Variants in FILIP1 observed in about 807,000 individuals in gnomAD.
The protein encoded by FILIP1 is filamin-A-interacting protein 1.
In FILIP1, 61 loss-of-function variants were observed where a neutral mutation model predicts 102.1. The ratio of observed to expected loss-of-function variants is 0.60; its 90% CI spans 0.49 to 0.74. The LOEUF (loss-of-function observed/expected upper bound fraction) is 0.74. Among genes scored for constraint, FILIP1 ranks in the 30% least tolerant of loss-of-function variants. The probability of loss-of-function intolerance (pLI) is 0.00; values close to 1 mark genes in which losing one functional copy is unlikely to be tolerated. For synonymous variants in FILIP1, 491 were observed against 526.9 expected, an observed-to-expected ratio of 0.93 and a Z score of 0.93; for missense variants, 1,314 against 1,441.2, an observed-to-expected ratio of 0.91 and a Z score of 1.43.
In FILIP1 at chr6:75,314,681, C is replaced by A. The variant is rs147080592; in HGVS notation, c.1151G>T (p.Arg384Leu). 1.9e-6 allele frequency: 3 copies of A among 1,613,806 alleles called. No individual in the cohort carries two copies. The highest frequency in any genetic ancestry group is 3.3e-5 in the Admixed American group (2 of 59,952). ...SSLMAEVENL[R>L]KRVLEMEGKD... ...ACCTTCCATTTCAAGCACACGCTTTCGAAGATTTTCCACTTCTGCCATGAG... is the reference window on the plus strand; with the variant it reads ...ACCTTCCATTTCAAGCACACGCTTTAGAAGATTTTCCACTTCTGCCATGAG... Residue 384 changes from arginine (R) to leucine (L), a missense_variant, in exon 5 of 6, where the codon CGA becomes CTA. Arg to Leu is a moderately radical substitution (Grantham distance 102). Coordinates refer to ENST00000237172, the MANE Select transcript of FILIP1 (RefSeq NM_015687.5).
intron 1 of FILIP1, among the ~76,000 whole-genome samples, chr6:75,438,780 C>A: frequency 6.6e-6 from 1 of 152,144 alleles, no homozygotes; most frequent in East Asian, 1.9e-4. Flanking sequence ...AATCATAAGG[C>A]CCCTACTAGA....
chr6:75,350,707 C>A (rs1466721406), intron 4 of FILIP1, among the ~76,000 whole-genome samples: 2 of 152,150 alleles, frequency 1.3e-5, no homozygotes, highest in Non-Finnish European at 2.9e-5. Flanking sequence ...TAAGTATGGT[C>A]ACTCCGCCTA....
chr6:75,441,508 A>T lies in FILIP1; in HGVS notation c.-6-26530T>A, dbSNP rs971090758. On this transcript the variant is annotated intron_variant, in intron 1 of 5. Transcript: ENST00000237172. ...ATGAGCTGTTGGGTACACCTCCCAGACGGGGTGGTGGCCGGGTAGAGGGGC... is the reference window on the plus strand; with the variant it reads ...ATGAGCTGTTGGGTACACCTCCCAGTCGGGGTGGTGGCCGGGTAGAGGGGC... Among the ~76,000 whole-genome samples the T allele has an allele frequency of 1.1e-4, 16 of 152,040 alleles. 1 individual carries two copies. The highest frequency in any genetic ancestry group is 3.6e-4 in the African/African-American group (15 of 41,498).
At chr6:75,364,136 A>G (rs1218224129) in intron 2 of FILIP1, among the ~76,000 whole-genome samples, 1 of 152,252 alleles carries the variant, frequency 6.6e-6, no homozygotes, top group East Asian at 1.9e-4. Context: ...GCAGATTTGA[A>G]ATGTCTCTGC....
chr6:75,319,509 T>G (rs1362213675), intron 4 of FILIP1: 1 of 584,036 alleles, frequency 1.7e-6, no homozygotes, highest in Non-Finnish European at 3.4e-6. Context: ...TCAGCAGACA[T>G]GGTCTTCTAC....
In FILIP1 at chr6:75,312,388, TCTA is replaced by T. The variant is rs1413887261; in HGVS notation, c.3435+6_3435+8del. 6.2e-7 allele frequency: 1 copy of T among 1,610,002 alleles called. No homozygotes were observed. The highest frequency in any genetic ancestry group is 1.3e-5 in the African/African-American group (1 of 74,884). ...TGCAGGCCTGCGCTTTGGAGCCTCT[TCTA>T]CTCACCACTGACTGGGTTCCTCGAG... On this transcript the variant is annotated splice_donor_region_variant and intron_variant, in intron 5 of 5. Coordinates refer to ENST00000237172, the MANE Select transcript of FILIP1 (RefSeq NM_015687.5).
At position 75,353,643 on chromosome 6, in the gene FILIP1, A is replaced by G. The variant is rs1051350613; in HGVS notation, c.525T>C (p.Cys175=). ...CTAACTCGTATACGGTGCGCCTATG[A>G]CACTTCTCGGCCAGCAACAGCTGCT... ...MLEQLLLAEK[C]HRRTVYELEN... The change falls in exon 4 of 6, where the codon TGT becomes TGC. Residue 175 remains cysteine, a synonymous_variant. Transcript: ENST00000237172. The G allele has an allele frequency of 4.3e-6, 7 of 1,614,016 alleles. No homozygotes were observed. The highest frequency in any genetic ancestry group is 5.9e-6 in the Non-Finnish European group (7 of 1,180,040).
chr6:75,330,590 C>T (rs1774046402), intron 4 of FILIP1, among the ~76,000 whole-genome samples: 1 of 152,008 alleles, frequency 6.6e-6, no homozygotes, highest in South Asian at 2.1e-4. Context: ...TTGTGAACTG[C>T]TTTTTCTTCA....
At chr6:75,324,883 G>A (rs1277454451) in intron 4 of FILIP1, among the ~76,000 whole-genome samples, 2 of 152,084 alleles carry the variant, frequency 1.3e-5, no homozygotes, top group East Asian at 1.9e-4. Context: ...TTGGCAAGCC[G>A]CATGTAGAAG....
intron 1 of FILIP1, among the ~76,000 whole-genome samples, chr6:75,481,136 G>A (rs1446946129): frequency 1.3e-5 from 2 of 152,114 alleles, no homozygotes; most frequent in Non-Finnish European, 2.9e-5. Flanking sequence ...TCCAAAATCA[G>A]GTGAGTGGTC....
chr6:75,310,788 C>G (rs995781438), intron 5 of FILIP1, among the ~76,000 whole-genome samples: 3 of 152,150 alleles, frequency 2.0e-5, no homozygotes, highest in African/African-American at 7.2e-5. Context: ...AAAGCAGTAT[C>G]GGACCACCTG....
At chr6:75,370,167 G>A (rs975509950) in intron 2 of FILIP1, among the ~76,000 whole-genome samples, 1 of 152,192 alleles carries the variant, frequency 6.6e-6, no homozygotes, top group African/African-American at 2.4e-5. Flanking sequence ...CCCTAGAAAA[G>A]ACAGTCCTGG....
chr6:75,296,073 T>C, intron 6 of FILIP1: 1 of 576,082 alleles, frequency 1.7e-6, no homozygotes, highest in Non-Finnish European at 2.7e-6. Flanking sequence ...TACATGAGGC[T>C]AATAGACTTT....
At chr6:75,472,734 T>C (rs1420199540) in intron 1 of FILIP1, among the ~76,000 whole-genome samples, 1 of 152,174 alleles carries the variant, frequency 6.6e-6, no homozygotes, top group African/African-American at 2.4e-5. Context: ...CTATGACATG[T>C]ACAAACCAGT....
At chr6:75,299,403 G>C (rs1038285046) in intron 6 of FILIP1, among the ~76,000 whole-genome samples, 2 of 152,148 alleles carry the variant, frequency 1.3e-5, no homozygotes, top group African/African-American at 4.8e-5. Flanking sequence ...TGGAACCAAA[G>C]ACCATAGATA....
chr6:75,469,508 A>T (rs75219444), intron 1 of FILIP1, among the ~76,000 whole-genome samples: 3,801 of 152,088 alleles, frequency 0.025, 160 homozygotes, highest in African/African-American at 0.087. Flanking sequence ...GGCAACTCTG[A>T]CCAACCCTTT....
At chr6:75,456,129 A>C (rs940050805) in intron 1 of FILIP1, among the ~76,000 whole-genome samples, 1 of 151,798 alleles carries the variant, frequency 6.6e-6, no homozygotes, top group Admixed American at 6.6e-5. Context: ...GTGGTTCTCA[A>C]TCAGAGATTT....
intron 2 of FILIP1, among the ~76,000 whole-genome samples, chr6:75,398,299 G>A (rs1333032825): frequency 6.6e-6 from 1 of 152,120 alleles, no homozygotes; most frequent in Non-Finnish European, 1.5e-5. Context: ...GGTCTATGAC[G>A]GGTTGACATA....
chr6:75,413,062 C>T (rs1056550839), intron 2 of FILIP1, among the ~76,000 whole-genome samples: 4 of 152,094 alleles, frequency 2.6e-5, no homozygotes, highest in African/African-American at 9.7e-5. Context: ...TATCTAGGAT[C>T]TGAAACCTTA....
Sources: allele counts gnomAD v4.1 joint callset (sites outside exome capture counted in the v4.1 genomes callset), GRCh38; gene constraint gnomAD v4.1.1; transcripts MANE v1.5; gene names NCBI Gene and HGNC (gene_info 2026-07-23, HGNC 2026-07-21).